The following ART1 variants were observed in gnomAD, a reference collection of about 807,000 sequenced individuals.
ART1 encodes ADP-ribosyltransferase 1.
In ART1, 29 loss-of-function variants were observed where a neutral mutation model predicts 27.0. The observed-to-expected ratio is 1.08, with a 90% CI of 0.80 to 1.47. The LOEUF is 1.47. ART1 is among the 40% of genes most tolerant of loss of function. ART1 has a pLI of 0.00. For synonymous variants in ART1, 201 were observed against 172.2 expected (o/e 1.17, Z -1.31); for missense variants, 480 against 423.0 (o/e 1.13, Z -1.18).
intron 1 of ART1, among the ~76,000 whole-genome samples, chr11:3,646,102 G>A (rs900706690): frequency 6.6e-6 from 1 of 151,810 alleles, no homozygotes; most frequent in Non-Finnish European, 1.5e-5. Flanking sequence ...CTTCCCTCAT[G>A]ATTTTCATCT....
intron 1 of ART1, chr11:3,655,752 T>A (rs1384970382): frequency 1.3e-5 from 2 of 152,046 alleles, no homozygotes; most frequent in African/African-American, 4.8e-5. Context: ...CCAGTCACAA[T>A]GGTCAAAGCC....
intron 1 of ART1, among the ~76,000 whole-genome samples, chr11:3,656,860 G>A (rs1304748204): frequency 6.6e-6 from 1 of 152,128 alleles, no homozygotes; most frequent in African/African-American, 2.4e-5. Context: ...AAAAAAAATT[G>A]TTGAATAAAT....
chr11:3,649,279 T>C (rs1053591193), intron 1 of ART1, among the ~76,000 whole-genome samples: 13 of 152,304 alleles, frequency 8.5e-5, no homozygotes, highest in South Asian at 2.1e-4. Context: ...TCTGCAAGGC[T>C]GCTTGACCCC....
intron 1 of ART1, among the ~76,000 whole-genome samples, chr11:3,658,873 C>T (rs1278907794): frequency 2.6e-5 from 4 of 152,168 alleles, no homozygotes; most frequent in Non-Finnish European, 4.4e-5. Context: ...ACCTCCAATA[C>T]CTTTGCTTTT....
intron 1 of ART1, among the ~76,000 whole-genome samples, chr11:3,652,033 A>G (rs1047593448): frequency 2.6e-5 from 4 of 151,634 alleles, no homozygotes; most frequent in Admixed American, 6.6e-5. Flanking sequence ...GTGGAAATCT[A>G]TCCTCAAGGA....
At chr11:3,651,584 C>T (rs112873490) in intron 1 of ART1, among the ~76,000 whole-genome samples, 4,731 of 150,390 alleles carry the variant, frequency 0.031, 237 homozygotes, top group African/African-American at 0.1. Context: ...CTGCGTGCAG[C>T]GGCTGCCGCT....
At chr11:3,649,522 G>A (rs2077500194) in intron 1 of ART1, among the ~76,000 whole-genome samples, 2 of 152,120 alleles carry the variant, frequency 1.3e-5, no homozygotes, top group Admixed American at 6.5e-5. Context: ...AAGTGTCGCT[G>A]AGTCTTTCTA....
chr11:3,649,553 C>T (rs894547842), intron 1 of ART1, among the ~76,000 whole-genome samples: 7 of 152,182 alleles, frequency 4.6e-5, no homozygotes, highest in Non-Finnish European at 1.0e-4. Context: ...TCTACAGACC[C>T]GTCTGACGTC....
At chr11:3,651,057 C>T (rs181671337) in intron 1 of ART1, among the ~76,000 whole-genome samples, 2 of 152,242 alleles carry the variant, frequency 1.3e-5, no homozygotes, top group African/African-American at 4.8e-5. Flanking sequence ...CCAGACAAGG[C>T]TTACAGGTTA....
chr11:3,648,894 C>T (rs902323379), intron 1 of ART1, among the ~76,000 whole-genome samples: 7 of 152,202 alleles, frequency 4.6e-5, no homozygotes, highest in South Asian at 2.1e-4. Flanking sequence ...CGGCAAGTCC[C>T]GCTTTTCTAG....
At chr11:3,648,466 C>CT (rs1565038025) in intron 1 of ART1, among the ~76,000 whole-genome samples, 1 of 152,186 alleles carries the variant, frequency 6.6e-6, no homozygotes, top group East Asian at 1.9e-4. Flanking sequence ...TAAGCAGACT[C>CT]TTTTTACTCA....
chr11:3,650,458 C>T (rs116473988), intron 1 of ART1, among the ~76,000 whole-genome samples: 18,745 of 152,128 alleles, frequency 0.12, 1,222 homozygotes, highest in South Asian at 0.2. Context: ...TCAGGGACTC[C>T]GAGCTTTGAG....
chr11:3,655,445 G>C (rs1038318092), intron 1 of ART1: 1 of 152,210 alleles, frequency 6.6e-6, no homozygotes, highest in Non-Finnish European at 1.5e-5. Context: ...GTTGAAGGCT[G>C]TCCTTGAGAA....
In ART1 at chr11:3,659,846, C is replaced by T; in HGVS notation, c.327C>T (p.Gly109=). 3.7e-6 allele frequency: 6 copies of T among 1,612,386 alleles called. No homozygotes were observed. Among genetic ancestry groups the T allele is most frequent in the Non-Finnish European group, 5.1e-6 (6 of 1,179,542 alleles). Residue 109 remains glycine (G), a synonymous_variant, in exon 3 of 5, where the codon GGC becomes GGT. Transcript: ENST00000250693. ...CCCGTCCATCCCCGCCACCCCTGGG[C>T]TTCCGCGATGAGCATGGGGTGGCCC... The part of the protein sequence containing the change: ...SPTRPSPPPL[G]FRDEHGVALL...
intron 3 of ART1, among the ~76,000 whole-genome samples, chr11:3,660,877 C>T (rs1400933356): frequency 6.6e-6 from 1 of 152,194 alleles, no homozygotes; most frequent in Non-Finnish European, 1.5e-5. Context: ...TAAGGTCCAG[C>T]TCAGGCTGTG....
chr11:3,647,247 G>A (rs754077628), intron 1 of ART1, among the ~76,000 whole-genome samples: 3 of 151,986 alleles, frequency 2.0e-5, no homozygotes, highest in South Asian at 4.2e-4. Flanking sequence ...GCTTGAACCC[G>A]GGAGGCAGAG....
At chr11:3,663,892 C>T (rs1289221837) in intron 4 of ART1, 200 bp from the exon 5 acceptor site, 8 of 562,630 alleles carry the variant, frequency 1.4e-5, no homozygotes, top group Non-Finnish European at 2.2e-5. Context: ...TTCTGATAAC[C>T]CATTACCATT....
intron 1 of ART1, among the ~76,000 whole-genome samples, chr11:3,651,116 G>A (rs1264349768): frequency 5.9e-5 from 9 of 151,578 alleles, no homozygotes; most frequent in Non-Finnish European, 1.2e-4. Context: ...TATCCACCCT[G>A]TGGTGCCAAA....
At chr11:3,656,422 A>G (rs61878552) in intron 1 of ART1, among the ~76,000 whole-genome samples, 28,905 of 151,680 alleles carry the variant, frequency 0.19, 3,645 homozygotes, top group African/African-American at 0.36. Flanking sequence ...TCGCTCTGTC[A>G]CCCAGGCTTG....
Sources: gnomAD v4.1 joint callset for allele counts (sites outside exome capture counted in the v4.1 genomes callset) on GRCh38, gnomAD v4.1.1 for gene constraint, MANE v1.5 for transcripts, NCBI Gene and HGNC (gene_info 2026-07-23, HGNC 2026-07-21) for gene names.